MDN1: variants seen among roughly 807,000 people sequenced by gnomAD.
The protein encoded by MDN1 is midasin.
Under a neutral mutation model 669.2 loss-of-function variants are expected in MDN1, and 266 were observed. That is an observed-to-expected ratio of 0.40 (90% CI 0.36 to 0.44). The LOEUF (loss-of-function observed/expected upper bound fraction) is 0.44. Among genes scored for constraint, MDN1 ranks in the 20% least tolerant of loss-of-function variants. The pLI is 1.00. For synonymous variants in MDN1, 2,385 were observed against 2,457.1 expected, an observed-to-expected ratio of 0.97 and a Z score of 0.87; for missense variants, 5,940 against 6,754.0, an observed-to-expected ratio of 0.88 and a Z score of 4.22.
intron 22 of MDN1, among the ~76,000 whole-genome samples, chr6:89,752,000 A>G (rs1257657295): frequency 1.3e-5 from 2 of 152,262 alleles, no homozygotes; most frequent in Non-Finnish European, 2.9e-5. Flanking sequence ...CATTAAAAGT[A>G]AACCTGACTT....
Position 89,658,336 on chromosome 6 carries a change from T to C in MDN1, c.15056A>G (p.Glu5019Gly), listed in dbSNP as rs1273346759. 6.2e-7 allele frequency: 1 copy of C among 1,614,070 alleles called. No individual in the cohort carries two copies. Among genetic ancestry groups the C allele is most frequent in the African/African-American group, 1.3e-5 (1 of 74,932 alleles). ...CCTCTCCAAAGCCTCTGGCACCTGC[T>C]CCTCTGTATCAGAGTCCTCCCGTTC... The part of the protein sequence containing the change: ...EEEREDSDTE[E>G]QVPEALERKE... The change falls in exon 90 of 102, where the codon GAG becomes GGG. Residue 5019 changes from glutamate to glycine, a missense_variant. Glu to Gly is a moderately conservative substitution (Grantham distance 98). Around this residue, in one of 5 missense-constraint regions of MDN1, gnomAD observed 2,280 missense variants for 2,576.3 expected, o/e 0.88. Coordinates refer to ENST00000369393, the MANE Select transcript of MDN1 (RefSeq NM_014611.3).
chr6:89,794,288 C>T lies in MDN1; in HGVS notation c.555-81G>A, dbSNP rs1296072927. 7.6e-6 allele frequency: 6 copies of T among 790,062 alleles called. No individual in the cohort carries two copies. The African/African-American group carries it at 1.0e-4, about 14-fold the overall frequency. The allele number at this position is 790,062 out of a possible 1,614,324, so 48.9% of individuals were successfully genotyped here. On this transcript the variant is annotated intron_variant, in intron 3 of 101. Coordinates refer to ENST00000369393, the MANE Select transcript of MDN1 (RefSeq NM_014611.3). ...AAATAAAATCCACTAGCCAACTGAA[C>T]ACTAGAAAAGGAAATCTCAATTATT...
At chr6:89,726,789 G>A (rs1442412837) in intron 37 of MDN1, among the ~76,000 whole-genome samples, 1 of 152,072 alleles carries the variant, frequency 6.6e-6, no homozygotes, top group Non-Finnish European at 1.5e-5. Flanking sequence ...AAAGGAGATC[G>A]GGAAAATACA....
Position 89,707,382 on chromosome 6 carries a change from T to G in MDN1, c.7993A>C (p.Met2665Leu). 1 of 1,612,524 alleles carries G rather than the reference T, an allele frequency of 6.2e-7. No homozygotes were observed. Among genetic ancestry groups the G allele is most frequent in the Non-Finnish European group, 8.5e-7 (1 of 1,178,554 alleles). The change falls in exon 52 of 102, where the codon ATG becomes CTG. Residue 2665 changes from methionine (M) to leucine (L), a missense_variant. Physicochemically the swap from Met to Leu is conservative, Grantham distance 15 (BLOSUM62 2). Transcript: ENST00000369393. ...SKKLRESVLRMSFEFHQDPES... is the reference protein window; with the variant it reads ...SKKLRESVLRLSFEFHQDPES... ...TTACCTTGATGGAATTCAAAGGACA[T>G]TCTCAAAACACTCTCTCTTAGCTTT...
chr6:89,692,084 T>TA, intron 63 of MDN1, among the ~76,000 whole-genome samples: 1 of 152,324 alleles, frequency 6.6e-6, no homozygotes, highest in African/African-American at 2.4e-5. Flanking sequence ...AGTATTCTCT[T>TA]AATTGCATAC....
intron 3 of MDN1, among the ~76,000 whole-genome samples, 176 bp downstream of exon 3, chr6:89,794,401 T>C (rs377500844): frequency 1.2e-4 from 18 of 152,290 alleles, no homozygotes; most frequent in African/African-American, 4.3e-4. Context: ...ATTCATATCA[T>C]CTCATTTTCC....
In MDN1 at chr6:89,680,163, AAAG is replaced by A. The variant is rs1282659848; in HGVS notation, c.12265+423_12265+425del. Among the ~76,000 whole-genome samples, 926 of 152,284 alleles carry A rather than the reference AAAG, an allele frequency of 6.1e-3. 22 individuals are homozygous for A. The East Asian group carries it at 0.093, about 15-fold the overall frequency. On this transcript the variant is annotated intron_variant, in intron 74 of 101. Transcript: ENST00000369393. Reference sequence around the variant, plus strand: ...ATCTTCGCTCTCACCTTCCCTGAGCAAAGACAGCCTGAGAAATGAAACTGCTGT... The same window carrying A: ...ATCTTCGCTCTCACCTTCCCTGAGCAACAGCCTGAGAAATGAAACTGCTGT...
In MDN1 at chr6:89,778,728, C is replaced by A. The variant is rs568303611; in HGVS notation, c.1725+1484G>T. 1.0e-4 allele frequency among the ~76,000 whole-genome samples: 15 copies of A among 150,346 alleles called. No individual in the cohort carries two copies. In the South Asian group the frequency reaches 3.0e-3, roughly 30 times the overall value. On this transcript the variant is annotated intron_variant, in intron 11 of 101. Transcript: ENST00000369393. ...TGAAACCCCATCTCTACTAAAAATG[C>A]AAAAAAAATTAGCTGGGTGTGGTGG...
intron 71 of MDN1, among the ~76,000 whole-genome samples, chr6:89,684,501 C>T (rs543291197): frequency 1.3e-5 from 2 of 152,094 alleles, no homozygotes; most frequent in Admixed American, 1.3e-4. Context: ...GTTGGTTCCA[C>T]AACCACTGAG....
chr6:89,738,281 C>G (rs758828657), intron 33 of MDN1, 45 bp downstream of exon 33: 5 of 1,601,334 alleles, frequency 3.1e-6, no homozygotes, highest in Non-Finnish European at 3.4e-6. Flanking sequence ...CCAACACAAA[C>G]CCTTCTATGA....
chr6:89,762,672 T>G, intron 15 of MDN1, 142 bp from the exon 16 acceptor site: 1 of 650,126 alleles, frequency 1.5e-6, no homozygotes, highest in Non-Finnish European at 2.6e-6. Context: ...AAATCTACGT[T>G]ACAGTTTTAA....
At chr6:89,778,478 A>G (rs530445335) in intron 11 of MDN1, among the ~76,000 whole-genome samples, 3 of 152,160 alleles carry the variant, frequency 2.0e-5, no homozygotes, top group East Asian at 3.8e-4. Flanking sequence ...ATTAATATTA[A>G]AAATACAGGA....
chr6:89,758,988 C>T (rs1400647028), intron 17 of MDN1, 28 bp from the exon 18 acceptor site: 2 of 1,605,172 alleles, frequency 1.2e-6, no homozygotes, highest in Admixed American at 3.3e-5. Flanking sequence ...AAAATGTTAA[C>T]AATGTGTCAA....
chr6:89,751,046 C>T lies in MDN1; in HGVS notation c.3227+385G>A, dbSNP rs956154551. On this transcript the variant is annotated intron_variant, in intron 23 of 101. Coordinates refer to ENST00000369393, the MANE Select transcript of MDN1 (RefSeq NM_014611.3). ...GCAGAAGAACATTTTTATTCCTATACACTGAGAAGTATCTTTGTAAACATT... is the reference window on the plus strand; with the variant it reads ...GCAGAAGAACATTTTTATTCCTATATACTGAGAAGTATCTTTGTAAACATT... Among the ~76,000 whole-genome samples the T allele has an allele frequency of 9.9e-5, 15 of 151,432 alleles. 1 individual carries two copies. Among genetic ancestry groups the T allele is most frequent in the African/African-American group, 3.4e-4 (14 of 41,148 alleles).
chr6:89,734,482 G>A (rs923294124), intron 33 of MDN1, among the ~76,000 whole-genome samples: 7 of 151,702 alleles, frequency 4.6e-5, no homozygotes, highest in African/African-American at 1.7e-4. Flanking sequence ...GCAAAACCCT[G>A]TATCTACAAA....
chr6:89,662,035 A>G, intron 87 of MDN1, 52 bp downstream of exon 87: 1 of 1,573,620 alleles, frequency 6.4e-7, no homozygotes, highest in Non-Finnish European at 8.6e-7. Context: ...TATACAGCTC[A>G]AGAGCTCTGG....
Position 89,793,907 on chromosome 6 carries a change from A to C in MDN1, c.710T>G (p.Leu237Trp), listed in dbSNP as rs1416040594. ...QLQDLEKALV[L>W]ANPEVSLWRK... ...CCAAAGGGAGACTTCTGGATTGGCC[A>C]AAACCAAGGCCTTCTCCAAGTCCTG... Residue 237 changes from leucine (L) to tryptophan (W), a missense_variant, in exon 5 of 102, where the codon TTG (leucine) becomes TGG (tryptophan). Transcript: ENST00000369393. 2 of 1,614,028 alleles carry C rather than the reference A, an allele frequency of 1.2e-6. No homozygotes were observed. The highest frequency in any genetic ancestry group is 1.7e-6 in the Non-Finnish European group (2 of 1,179,886).
At chr6:89,771,145 G>T (rs1442413869) in intron 15 of MDN1, among the ~76,000 whole-genome samples, 1 of 152,076 alleles carries the variant, frequency 6.6e-6, no homozygotes, top group African/African-American at 2.4e-5. Flanking sequence ...CTTACTCAAG[G>T]GAGTTTACCC....
chr6:89,667,030 A>G (rs1035358081), intron 84 of MDN1, among the ~76,000 whole-genome samples: 3 of 152,234 alleles, frequency 2.0e-5, no homozygotes, highest in Non-Finnish European at 4.4e-5. Context: ...TATCTTTGAC[A>G]CTAGCATTTC....
Sources: allele counts gnomAD v4.1 joint callset (sites outside exome capture counted in the v4.1 genomes callset), GRCh38; gene constraint gnomAD v4.1.1; regional missense constraint gnomAD v4.1.1; transcripts MANE v1.5; gene names NCBI Gene and HGNC (gene_info 2026-07-23, HGNC 2026-07-21).